Variants in ING5 observed in about 807,000 individuals in gnomAD.
ING5 encodes the protein inhibitor of growth family member 5, also known as inhibitor of growth protein 5.
ING5 carries 17 observed loss-of-function variants against 37.4 expected under a neutral mutation model. That is an observed-to-expected ratio of 0.45 (90% confidence interval 0.31 to 0.68). The LOEUF is 0.68. Among genes scored for constraint, ING5 ranks in the 30% least tolerant of loss-of-function variants. The pLI, the probability that ING5 is intolerant of heterozygous loss-of-function variation, is 0.05. For synonymous variants in ING5, 123 were observed against 116.6 expected (o/e 1.06, Z -0.36); for missense variants, 233 against 311.9 (o/e 0.75, Z 1.91).
rs1691730046 is a variant in ING5, at chr2:241,729,122, A to G, written c.*4091A>G. 6.6e-6 allele frequency: 1 copy of G among 152,536 alleles called. No homozygotes were observed. Among genetic ancestry groups the G allele is most frequent in the Non-Finnish European group, 1.5e-5 (1 of 68,044 alleles). The allele number at this position is 152,536 out of a possible 1,614,324, so 9.4% of individuals were successfully genotyped here. On this transcript the variant is annotated 3_prime_UTR_variant, in exon 8 of 8. Coordinates refer to ENST00000313552, the MANE Select transcript of ING5 (RefSeq NM_032329.6). ...GGCATTGAAGACTTAAGGTTTTCTT[A>G]AATTTTTAGTGAGCAGTGATTGGCC...
chr2:241,711,683 T>A (rs1263561571), intron 4 of ING5, 195 bp downstream of exon 4: 4 of 573,176 alleles, frequency 7.0e-6, no homozygotes, highest in Non-Finnish European at 1.2e-5. Context: ...GGAGGATCAC[T>A]TGAGGCTAGG....
In ING5 at chr2:241,725,015, AGAG is replaced by A. The variant is rs1691550571; in HGVS notation, c.710_712del (p.Arg237del). The A allele has an allele frequency of 6.2e-7, 1 of 1,614,002 alleles. No homozygotes were observed. Among genetic ancestry groups the A allele is most frequent in the African/African-American group, 1.3e-5 (1 of 74,930 alleles). ...TTCTGTCCACGGTGTGTCCAGGAAAAGAGGAAGAAGAAGTAGGAGGAGCTGTGT... is the reference window on the plus strand; with the variant it reads ...TTCTGTCCACGGTGTGTCCAGGAAAAGAAGAAGAAGTAGGAGGAGCTGTGT... On this transcript the variant is annotated inframe_deletion, in exon 8 of 8. Transcript: ENST00000313552.
At chr2:241,711,310 TG>T in intron 3 of ING5, 66 bp from the exon 4 acceptor site, 2 of 1,126,268 alleles carry the variant, frequency 1.8e-6, no homozygotes, top group South Asian at 3.9e-5. Flanking sequence ...TGGATACTTT[TG>T]TACATTCGTG....
intron 5 of ING5, chr2:241,719,499 A>C: frequency 6.7e-7 from 1 of 1,499,802 alleles, no homozygotes; most frequent in Non-Finnish European, 9.0e-7. Flanking sequence ...CAGCGTTCTG[A>C]GTCTTCCTGC....
rs764177323 is a variant in ING5 at position 241,690,369 on chromosome 2, A to T, written c.-242A>T. The T allele has an allele frequency of 1.0e-4, 39 of 376,568 alleles. 1 individual carries two copies. The highest frequency in any genetic ancestry group is 1.7e-4 in the Non-Finnish European group (36 of 212,300). 23.3% of individuals were successfully genotyped at this position (376,568 alleles called of 1,614,324 possible). ...TTAAGATATTTAATCATCTGACATT[A>T]CATGAAGTCCAGTGTTAGGCAGGCA... On this transcript the variant is annotated 5_prime_UTR_variant, in exon 2 of 8. Coordinates refer to the ING5 transcript ENST00000636051.
chr2:241,691,284 C>A (rs555729568), intron 2 of ING5, among the ~76,000 whole-genome samples: 4 of 151,846 alleles, frequency 2.6e-5, no homozygotes, highest in African/African-American at 4.8e-5. Context: ...ACTAAAAATA[C>A]AAAAATTAGC....
chr2:241,707,385 G>A (rs1256079365), intron 2 of ING5, among the ~76,000 whole-genome samples: 1 of 151,688 alleles, frequency 6.6e-6, no homozygotes, highest in African/African-American at 2.4e-5. Context: ...CCGCCTCCCG[G>A]GTTCAAGCAA....
chr2:241,716,573 G>A (rs1199701612), intron 5 of ING5, among the ~76,000 whole-genome samples: 1 of 152,074 alleles, frequency 6.6e-6, no homozygotes, highest in Non-Finnish European at 1.5e-5. Flanking sequence ...AGGATTACAG[G>A]CGTGAGCCAC....
intron 5 of ING5, among the ~76,000 whole-genome samples, chr2:241,714,098 T>C (rs1361432015): frequency 6.6e-6 from 1 of 152,014 alleles, no homozygotes; most frequent in African/African-American, 2.4e-5. Flanking sequence ...GTGAAGATCT[T>C]TGTAAGTAGC....
At position 241,727,864 on chromosome 2, in the gene ING5, G is replaced by A. The variant is rs555742981; in HGVS notation, c.*2833G>A. 1.3e-5 allele frequency: 2 copies of A among 152,382 alleles called. No homozygotes were observed. The highest frequency in any genetic ancestry group is 2.1e-4 in the South Asian group (1 of 4,822). The allele number at this position is 152,382 out of a possible 1,614,324, so 9.4% of individuals were successfully genotyped here. On this transcript the variant is annotated 3_prime_UTR_variant, in exon 8 of 8. Transcript: ENST00000313552. ...TCCTGAGGTCTCGCTGCTTTTTGGGGAAAGATGACTGGCTTCCCTGTGGGA... is the reference window on the plus strand; with the variant it reads ...TCCTGAGGTCTCGCTGCTTTTTGGGAAAAGATGACTGGCTTCCCTGTGGGA...
At chr2:241,695,157 T>G (rs2069613847) in intron 2 of ING5, among the ~76,000 whole-genome samples, 1 of 151,636 alleles carries the variant, frequency 6.6e-6, no homozygotes, top group African/African-American at 2.4e-5. Context: ...AGGTGATGTC[T>G]TAGGGCTACC....
chr2:241,702,055 C>G lies in ING5; in HGVS notation c.-11C>G. Reference sequence around the variant, plus strand: ...CGCCCGCGCAGACCCCGAGCGCGGCCGCGGACGAAGATGGCGACCGCCATG... The same window carrying G: ...CGCCCGCGCAGACCCCGAGCGCGGCGGCGGACGAAGATGGCGACCGCCATG... On this transcript the variant is annotated 5_prime_UTR_variant, in exon 1 of 8. Transcript: ENST00000313552. 1 of 1,387,602 alleles carries G rather than the reference C, an allele frequency of 7.2e-7. No individual in the cohort carries two copies. Among genetic ancestry groups the G allele is most frequent in the Non-Finnish European group, 9.4e-7 (1 of 1,065,942 alleles). 86.0% of individuals were successfully genotyped at this position (1,387,602 alleles called of 1,614,324 possible). A position where few individuals can be genotyped will look rare whatever the true frequency, so the allele number is the denominator to read the frequency against.
At chr2:241,687,550 CAG>C (rs80066431) in exon 1 of ING5, 152,616 of 384,522 alleles carry the variant, frequency 0.4, 31,252 homozygotes, top group Middle Eastern at 0.48. Context: ...TTGTTTGAGA[CAG>C]AGTCTCGCTC....
At chr2:241,718,404 C>T in intron 5 of ING5, among the ~76,000 whole-genome samples, 1 of 111,374 alleles carries the variant, frequency 9.0e-6, no homozygotes, top group African/African-American at 3.3e-5. Context: ...TTCCTTCCTT[C>T]TTTTCTCTTT....
At chr2:241,711,694 A>G in intron 4 of ING5, 1 of 570,900 alleles carries the variant, frequency 1.8e-6, no homozygotes, top group Non-Finnish European at 3.1e-6. Context: ...TGAGGCTAGG[A>G]GTTTGAGACC....
At chr2:241,721,084 G>T in intron 5 of ING5, 1 of 985,656 alleles carries the variant, frequency 1.0e-6, no homozygotes, top group Non-Finnish European at 1.2e-6. Flanking sequence ...ATTGGACTCG[G>T]CGCAGAAGAG....
At chr2:241,716,282 T>G (rs866713144) in intron 5 of ING5, among the ~76,000 whole-genome samples, 14 of 27,006 alleles carry the variant, frequency 5.2e-4, no homozygotes, top group African/African-American at 3.0e-3. Context: ...TTAGCCATGC[T>G]TTTTTTTTTT....
At chr2:241,715,384 T>G (rs934384727) in intron 5 of ING5, among the ~76,000 whole-genome samples, 2 of 151,242 alleles carry the variant, frequency 1.3e-5, no homozygotes, top group Non-Finnish European at 1.5e-5. Flanking sequence ...TTGGTAGAGA[T>G]GGAGTTTCAC....
At chr2:241,695,786 A>G (rs1476518613) in intron 2 of ING5, among the ~76,000 whole-genome samples, 2 of 152,224 alleles carry the variant, frequency 1.3e-5, no homozygotes, top group African/African-American at 4.8e-5. Flanking sequence ...AGCCATGTTC[A>G]TTACAGCATG....
Sources: gnomAD v4.1 joint callset for allele counts (sites outside exome capture counted in the v4.1 genomes callset) on GRCh38, gnomAD v4.1.1 for gene constraint, MANE v1.5 for transcripts, NCBI Gene and HGNC (gene_info 2026-07-23, HGNC 2026-07-21) for gene names.